The following ZC3H12B variants were observed in gnomAD, a reference collection of about 807,000 sequenced individuals.
The protein encoded by ZC3H12B is probable ribonuclease ZC3H12B.
ZC3H12B carries 7 observed loss-of-function variants against 43.9 expected under a neutral mutation model. The observed-to-expected ratio is 0.16, with a 90% CI of 0.09 to 0.30. The LOEUF (loss-of-function observed/expected upper bound fraction) is 0.30. ZC3H12B is among the 10% of genes least tolerant of loss of function. The pLI is 1.00. For missense variants in ZC3H12B, 475 were observed against 670.2 expected (o/e 0.71, Z 3.22); for synonymous variants, 222 against 241.7 (o/e 0.92, Z 0.76).
the ZC3H12B span, among the ~76,000 whole-genome samples, chrX:65,254,328 G>A: frequency 2.7e-5 from 3 of 112,357 alleles, no homozygotes; most frequent in Non-Finnish European, 5.6e-5. Context: ...CCAGTGGTCT[G>A]GAAACATGTC....
intron 2 of ZC3H12B, among the ~76,000 whole-genome samples, chrX:65,383,360 C>T (rs2066471852): frequency 8.9e-6 from 1 of 111,818 alleles, no homozygotes; most frequent in Non-Finnish European, 1.9e-5. Flanking sequence ...GGAAAGGATT[C>T]CCTATTTAAT....
At chrX:65,269,365 C>CA in the ZC3H12B span, among the ~76,000 whole-genome samples, 1,630 of 82,639 alleles carry the variant, frequency 0.02, 43 homozygotes, top group African/African-American at 0.065. Flanking sequence ...CAAAACAAAA[C>CA]AAAAAAAAAA....
chrX:65,153,321 T>C, the ZC3H12B span, among the ~76,000 whole-genome samples: 1 of 111,915 alleles, frequency 8.9e-6, no homozygotes, highest in African/African-American at 3.2e-5. Context: ...AGAAAATTTT[T>C]GCAACCTACT....
At chrX:65,289,467 C>A in the ZC3H12B span, among the ~76,000 whole-genome samples, 28 of 109,887 alleles carry the variant, frequency 2.5e-4, no homozygotes, top group Non-Finnish European at 5.3e-4. Flanking sequence ...TGTAACAAAC[C>A]TGCACATGTT....
chrX:65,253,059 T>C, the ZC3H12B span, among the ~76,000 whole-genome samples: 1 of 111,942 alleles, frequency 8.9e-6, no homozygotes, highest in African/African-American at 3.3e-5. Flanking sequence ...AGCCAATTTA[T>C]CCCCTCACAT....
chrX:65,162,760 C>G, the ZC3H12B span, among the ~76,000 whole-genome samples: 1 of 107,518 alleles, frequency 9.3e-6, no homozygotes, highest in Non-Finnish European at 1.9e-5. Flanking sequence ...GCCTTCTTCT[C>G]TCACCTCGTC....
chrX:65,502,489 T>G, exon 5 of ZC3H12B: 1 of 1,210,752 alleles, frequency 8.3e-7, no homozygotes, highest in Non-Finnish European at 1.1e-6. Flanking sequence ...ACTATTCCTC[T>G]TACAACAACG....
At chrX:65,173,809 C>G in the ZC3H12B span, among the ~76,000 whole-genome samples, 1 of 111,574 alleles carries the variant, frequency 9.0e-6, no homozygotes, top group African/African-American at 3.3e-5. Flanking sequence ...TGATGTGCTG[C>G]TGGTGTTTTA....
chrX:65,468,682 T>C (rs1353490720), intron 3 of ZC3H12B, among the ~76,000 whole-genome samples: 1 of 97,392 alleles, frequency 1.0e-5, no homozygotes, highest in Non-Finnish European at 2.0e-5. Context: ...GTATTTTTAG[T>C]AGAGACGGGG....
At chrX:65,261,960 AT>A in the ZC3H12B span, among the ~76,000 whole-genome samples, 1 of 110,290 alleles carries the variant, frequency 9.1e-6, no homozygotes, top group Admixed American at 9.7e-5. Context: ...AGTATAGCTC[AT>A]TTTTTTGGTC....
At chrX:65,188,825 T>C in the ZC3H12B span, among the ~76,000 whole-genome samples, 8 of 108,910 alleles carry the variant, frequency 7.3e-5, no homozygotes, top group African/African-American at 1.3e-4. Context: ...ATTTAAGTTT[T>C]AGGGTACATG....
intron 3 of ZC3H12B, among the ~76,000 whole-genome samples, chrX:65,451,766 A>C (rs957554690): frequency 2.7e-5 from 3 of 112,037 alleles, no homozygotes; most frequent in Non-Finnish European, 3.8e-5. Flanking sequence ...TCACATTTTT[A>C]GAAGAGATAC....
At chrX:65,374,108 G>A (rs182358589) in intron 2 of ZC3H12B, among the ~76,000 whole-genome samples, 7,767 of 62,836 alleles carry the variant, frequency 0.12, 1,839 homozygotes, top group African/African-American at 0.55. Flanking sequence ...ACTATATATA[G>A]GTTATATATA....
intron 3 of ZC3H12B, among the ~76,000 whole-genome samples, chrX:65,453,670 C>T (rs776174975): frequency 3.7e-5 from 4 of 108,156 alleles, no homozygotes; most frequent in South Asian, 8.2e-4. Context: ...TGCAGTGAAC[C>T]GAGATCATGC....
At chrX:65,037,635 T>A in the ZC3H12B span, among the ~76,000 whole-genome samples, 1 of 111,162 alleles carries the variant, frequency 9.0e-6, no homozygotes, top group East Asian at 2.8e-4. Context: ...TTTTGTAACC[T>A]GTACATTTTT....
At chrX:65,061,434 G>C in the ZC3H12B span, among the ~76,000 whole-genome samples, 1 of 112,235 alleles carries the variant, frequency 8.9e-6, no homozygotes, top group Non-Finnish European at 1.9e-5. Flanking sequence ...TTCTGTTCCT[G>C]TGTCAGTTTG....
chrX:65,052,174 T>G, the ZC3H12B span, among the ~76,000 whole-genome samples: 17 of 111,271 alleles, frequency 1.5e-4, no homozygotes, highest in Non-Finnish European at 2.8e-4. Flanking sequence ...CTAATTATTA[T>G]TTTTTAAAAT....
chrX:65,222,316 T>C, the ZC3H12B span, among the ~76,000 whole-genome samples: 1 of 110,839 alleles, frequency 9.0e-6, no homozygotes, highest in Admixed American at 9.7e-5. Context: ...CTTTTGCCAC[T>C]TCTATTCAAC....
At chrX:65,350,758 A>G in the ZC3H12B span, among the ~76,000 whole-genome samples, 1 of 111,971 alleles carries the variant, frequency 8.9e-6, no homozygotes, top group African/African-American at 3.2e-5. Flanking sequence ...AATACAACTT[A>G]CAAGGGATGT....
Sources: gnomAD v4.1 joint callset for allele counts (sites outside exome capture counted in the v4.1 genomes callset) on GRCh38, gnomAD v4.1.1 for gene constraint, MANE v1.5 for transcripts, NCBI Gene and HGNC (gene_info 2026-07-23, HGNC 2026-07-21) for gene names.